ARFGEF1: variants seen among roughly 807,000 people sequenced by gnomAD.
ARFGEF1 encodes ARF guanine nucleotide exchange factor 1.
A neutral mutation model predicts 231.0 loss-of-function variants in ARFGEF1; 42 were observed. The observed-to-expected ratio is 0.18, with a 90% CI of 0.14 to 0.24. The LOEUF (loss-of-function observed/expected upper bound fraction) is 0.24. Among genes scored for constraint, ARFGEF1 ranks in the 10% least tolerant of loss-of-function variants. ARFGEF1 has a pLI of 1.00. For missense variants in ARFGEF1, 1,345 were observed against 2,192.0 expected, an observed-to-expected ratio of 0.61 and a Z score of 7.72; for synonymous variants, 710 against 732.3, an observed-to-expected ratio of 0.97 and a Z score of 0.49.
At chr8:67,195,444 A>AACTC (rs1563816165), downstream of ARFGEF1, 3 of 1,614,096 alleles carry the variant, frequency 1.9e-6, no homozygotes, top group African/African-American at 2.7e-5. Context: ...TGACGGATCA[A>AACTC]ACTCTGTAGC....
At position 67,316,461 on chromosome 8, in the gene ARFGEF1, A is replaced by T. The variant is rs544628547; in HGVS notation, c.125-13995T>A. On this transcript the variant is annotated intron_variant, in intron 1 of 38. Transcript: ENST00000262215. ...CTTGATAACAAAACTGGACTGTTGT[A>T]TAATTTTTTTTTTTTTCTGAGACGG... Among the ~76,000 whole-genome samples, 483 of 151,870 alleles carry T rather than the reference A, an allele frequency of 3.2e-3. 1 individual carries two copies. Among genetic ancestry groups the T allele is most frequent in the Middle Eastern group, 0.017 (5 of 294 alleles).
chr8:67,184,561 C>T (rs1302050524), intron 5 of ARFGEF1, among the ~76,000 whole-genome samples: 3 of 150,796 alleles, frequency 2.0e-5, no homozygotes, highest in African/African-American at 7.3e-5. Flanking sequence ...AACATCTCTA[C>T]TAAAAATATA....
At chr8:67,226,966 T>A (rs1839396125) in intron 27 of ARFGEF1, among the ~76,000 whole-genome samples, 171 bp downstream of exon 27, 1 of 152,138 alleles carries the variant, frequency 6.6e-6, no homozygotes, top group Non-Finnish European at 1.5e-5. Context: ...AAATACTCAA[T>A]AAATGTTAAC....
chr8:67,216,433 T>C (rs1228202957), intron 33 of ARFGEF1, among the ~76,000 whole-genome samples, 157 bp downstream of exon 33: 1 of 151,886 alleles, frequency 6.6e-6, no homozygotes, highest in African/African-American at 2.4e-5. Flanking sequence ...GCCTTCGTAA[T>C]TGTAAAAAAA....
chr8:67,175,458 G>A (rs1563757087), downstream of ARFGEF1: 1 of 1,613,444 alleles, frequency 6.2e-7, no homozygotes, highest in Non-Finnish European at 8.5e-7. Context: ...TCATTGCTGT[G>A]TCAAATAGTA....
intron 10 of ARFGEF1, among the ~76,000 whole-genome samples, chr8:67,269,058 C>T (rs994722714): frequency 1.3e-5 from 2 of 152,126 alleles, no homozygotes; most frequent in Non-Finnish European, 2.9e-5. Flanking sequence ...TTATGCCTAT[C>T]ATAATAGGGG....
chr8:67,191,679 T>C (rs1355859973), intron 5 of ARFGEF1, among the ~76,000 whole-genome samples: 1 of 152,236 alleles, frequency 6.6e-6, no homozygotes, highest in East Asian at 1.9e-4. Flanking sequence ...CAATAGATAT[T>C]TGGGTTGTTT....
At chr8:67,326,177 G>A (rs1305420665) in intron 1 of ARFGEF1, among the ~76,000 whole-genome samples, 1 of 152,088 alleles carries the variant, frequency 6.6e-6, no homozygotes, top group Non-Finnish European at 1.5e-5. Flanking sequence ...TAGCCTGGTT[G>A]ACAGAGTGAA....
chr8:67,296,711 T>A lies in ARFGEF1; in HGVS notation c.460-101A>T, dbSNP rs570561699. 12 of 923,394 alleles carry A rather than the reference T, an allele frequency of 1.3e-5. No individual in the cohort carries two copies. The African/African-American group carries it at 2.0e-4, about 15-fold the overall frequency. 57.2% of individuals were successfully genotyped at this position (923,394 alleles called of 1,614,324 possible). A position where few individuals can be genotyped will look rare whatever the true frequency, so the allele number is the denominator to read the frequency against. On this transcript the variant is annotated intron_variant, in intron 4 of 38. Transcript: ENST00000262215. ...TGTCACCCAGGCTGGAGTGCAGTAG[T>A]GTGATCATAGTTCACTGCAGCCTTG...
rs755531571 is a variant in ARFGEF1 at position 67,252,957 on chromosome 8, G to GAAGCCTGACTATTGGGTCT, written c.2698+475_2698+493dup. Among the ~76,000 whole-genome samples, 589 of 152,302 alleles carry GAAGCCTGACTATTGGGTCT rather than the reference G, an allele frequency of 3.9e-3. 2 individuals are homozygous for GAAGCCTGACTATTGGGTCT. Among genetic ancestry groups the GAAGCCTGACTATTGGGTCT allele is most frequent in the South Asian group, 9.9e-3 (48 of 4,826 alleles). Reference sequence around the variant, plus strand: ...GGAAGAAGAAAAAATGACAAGGGTTGAAGCCTGACTATTGGGTCTAACTAC... The same window carrying GAAGCCTGACTATTGGGTCT: ...GGAAGAAGAAAAAATGACAAGGGTTGAAGCCTGACTATTGGGTCTAAGCCTGACTATTGGGTCTAACTAC... On this transcript the variant is annotated intron_variant, in intron 18 of 38. Coordinates refer to ENST00000262215, the MANE Select transcript of ARFGEF1 (RefSeq NM_006421.5).
chr8:67,331,701 A>C (rs1178164826), intron 1 of ARFGEF1, among the ~76,000 whole-genome samples: 1 of 152,146 alleles, frequency 6.6e-6, no homozygotes, highest in Non-Finnish European at 1.5e-5. Context: ...ATAAAGAGGA[A>C]TTTTTATGTC....
chr8:67,200,573 C>A, intron 37 of ARFGEF1, 60 bp from the exon 38 acceptor site: 1 of 1,004,746 alleles, frequency 1.0e-6, no homozygotes, highest in South Asian at 1.4e-5. Context: ...CCATATTCAC[C>A]GAGAAAGAGC....
At chr8:67,209,632 A>G (rs942060677) in intron 34 of ARFGEF1, among the ~76,000 whole-genome samples, 2 of 152,224 alleles carry the variant, frequency 1.3e-5, no homozygotes, top group African/African-American at 4.8e-5. Context: ...TCCTCTAAGG[A>G]GGCTGTGGTC....
At chr8:67,218,207 A>AAAAAAATATATATATATATATATATATAT (rs1491555936) in intron 30 of ARFGEF1, 69 bp from the exon 31 acceptor site, 1 of 90,852 alleles carries the variant, frequency 1.1e-5, no homozygotes, top group Non-Finnish European at 1.8e-5. Flanking sequence ...AAAAAAAAAA[A>AAAAAAATATATATATATATATATATATAT]ATATATATAT....
intron 19 of ARFGEF1, among the ~76,000 whole-genome samples, chr8:67,241,352 C>G (rs770563937): frequency 5.9e-5 from 9 of 152,144 alleles, no homozygotes; most frequent in Non-Finnish European, 1.0e-4. Context: ...TGCCGTACTT[C>G]TAAACTACAA....
chr8:67,240,077 T>C, intron 20 of ARFGEF1, 85 bp downstream of exon 20: 2 of 1,520,362 alleles, frequency 1.3e-6, no homozygotes, highest in Non-Finnish European at 1.8e-6. Flanking sequence ...ATGTCACACA[T>C]AAACAATTAT....
chr8:67,182,355 G>C (rs1414673736), intron 5 of ARFGEF1, among the ~76,000 whole-genome samples: 1 of 151,192 alleles, frequency 6.6e-6, no homozygotes, highest in Non-Finnish European at 1.5e-5. Context: ...TCCATTGTAT[G>C]TGTGTACCAC....
At chr8:67,335,690 A>T (rs1460775556) in intron 1 of ARFGEF1, among the ~76,000 whole-genome samples, 1 of 152,222 alleles carries the variant, frequency 6.6e-6, no homozygotes, top group Non-Finnish European at 1.5e-5. Context: ...AAAAATTAAT[A>T]GCCTCACATG....
At chr8:67,200,214 G>A (rs1838277803) in intron 38 of ARFGEF1, 182 bp downstream of exon 38, 1 of 662,098 alleles carries the variant, frequency 1.5e-6, no homozygotes, top group Admixed American at 2.1e-5. Flanking sequence ...TGGGTAAGGG[G>A]GGAGAAAAGC....
Sources: allele counts gnomAD v4.1 joint callset (sites outside exome capture counted in the v4.1 genomes callset), GRCh38; gene constraint gnomAD v4.1.1; transcripts MANE v1.5; gene names NCBI Gene and HGNC (gene_info 2026-07-23, HGNC 2026-07-21).